MYO1H: variants seen among roughly 807,000 people sequenced by gnomAD.
The protein encoded by MYO1H is unconventional myosin-Ih.
In MYO1H, 118 loss-of-function variants were observed where a neutral mutation model predicts 149.3. The observed-to-expected ratio is 0.79, with a 90% CI of 0.68 to 0.92. MYO1H has a LOEUF of 0.92. Among genes scored for constraint, MYO1H ranks in the 40% least tolerant of loss-of-function variants. The pLI is 0.00. For synonymous variants in MYO1H, 447 were observed against 465.2 expected, an observed-to-expected ratio of 0.96 and a Z score of 0.50; for missense variants, 1,212 against 1,280.7, an observed-to-expected ratio of 0.95 and a Z score of 0.82.
rs113783401 is a variant in MYO1H, at chr12:109,437,566, AG to A, written c.2210-969del. Among the ~76,000 whole-genome samples, 10 of 152,328 alleles carry A rather than the reference AG, an allele frequency of 6.6e-5. 1 individual carries two copies. The highest frequency in any genetic ancestry group is 2.4e-4 in the African/African-American group (10 of 41,580). On this transcript the variant is annotated intron_variant, in intron 22 of 31. Coordinates refer to ENST00000310903, the Ensembl canonical transcript of MYO1H. ...AAGTCTGCCATGGTAGCAGGAAAGT[AG>A]CTTTAGATAATATGTAAATGAATGG...
chr12:109,360,106 T>C (rs1868710873), intron 1 of MYO1H, among the ~76,000 whole-genome samples: 1 of 150,092 alleles, frequency 6.7e-6, no homozygotes, highest in Admixed American at 6.6e-5. Flanking sequence ...TCTTTTTTCT[T>C]TTTCTTCTTT....
chr12:109,410,119 ACTT>A (rs1453329770), intron 12 of MYO1H, 51 bp downstream of exon 12: 12 of 906,834 alleles, frequency 1.3e-5, no homozygotes. Flanking sequence ...CTAGCTAAAG[ACTT>A]CTTTTTTTAA....
intron 2 of MYO1H, among the ~76,000 whole-genome samples, chr12:109,392,377 T>G (rs1170983646): frequency 6.6e-6 from 1 of 152,180 alleles, no homozygotes; most frequent in Non-Finnish European, 1.5e-5. Context: ...GCCTACTTTG[T>G]TTACAGCTGG....
At chr12:109,318,314 A>T in the MYO1H span, among the ~76,000 whole-genome samples, 1 of 152,202 alleles carries the variant, frequency 6.6e-6, no homozygotes, top group Non-Finnish European at 1.5e-5. Flanking sequence ...ATTTATAAAT[A>T]TTCCTTATAA....
At chr12:109,410,800 T>G in intron 13 of MYO1H, 32 bp downstream of exon 13, 1 of 1,379,840 alleles carries the variant, frequency 7.2e-7, no homozygotes, top group Non-Finnish European at 1.0e-6. Flanking sequence ...TTAGAGCTAT[T>G]CACCCGGCAC....
chr12:109,361,839 AAG>A (rs1356188648), intron 1 of MYO1H, among the ~76,000 whole-genome samples: 20 of 143,904 alleles, frequency 1.4e-4, no homozygotes, highest in South Asian at 2.3e-4. Context: ...AAAAAAAAAA[AAG>A]AAGAACCACT....
At chr12:109,363,131 C>T (rs540936392) in intron 1 of MYO1H, among the ~76,000 whole-genome samples, 2 of 152,320 alleles carry the variant, frequency 1.3e-5, no homozygotes, top group Non-Finnish European at 2.9e-5. Context: ...ATGCCCATAT[C>T]GGCATGCAGC....
At chr12:109,424,860 A>C in intron 17 of MYO1H, 32 bp downstream of exon 17, 1 of 1,582,642 alleles carries the variant, frequency 6.3e-7, no homozygotes, top group African/African-American at 1.3e-5. Context: ...GCAAAATTGG[A>C]TCTCACCAGA....
intron 15 of MYO1H, among the ~76,000 whole-genome samples, chr12:109,417,249 G>A (rs574361140): frequency 4.0e-4 from 61 of 152,240 alleles, no homozygotes; most frequent in Non-Finnish European, 4.9e-4. Flanking sequence ...CAGCTGCACC[G>A]TTTTACATTT....
At chr12:109,413,123 G>T (rs1304353098) in intron 14 of MYO1H, among the ~76,000 whole-genome samples, 1 of 151,626 alleles carries the variant, frequency 6.6e-6, no homozygotes, top group African/African-American at 2.4e-5. Context: ...ACAGGTGTGC[G>T]CCATCACGCC....
At chr12:109,389,953 G>T (rs886822549) in intron 2 of MYO1H, among the ~76,000 whole-genome samples, 1 of 152,128 alleles carries the variant, frequency 6.6e-6, no homozygotes, top group Admixed American at 6.5e-5. Flanking sequence ...ACCCTTAATT[G>T]TAGAAATAGA....
intron 20 of MYO1H, among the ~76,000 whole-genome samples, chr12:109,434,459 A>C (rs1871774175): frequency 6.6e-6 from 1 of 152,142 alleles, no homozygotes; most frequent in African/African-American, 2.4e-5. Flanking sequence ...GCACCACTGC[A>C]CTCCAGCCTG....
In MYO1H at chr12:109,388,329, G is replaced by C. The variant is rs78015108; in HGVS notation, c.13-354G>C. On this transcript the variant is annotated intron_variant, in intron 1 of 31. Transcript: ENST00000310903. ...CATTTTCTGGCTGCGTCTTTTGGCA[G>C]ATTTTGGGCGTGGCTTATGACATTC... Among the ~76,000 whole-genome samples the C allele has an allele frequency of 9.6e-3, 1,459 of 152,288 alleles. 20 individuals are homozygous for C. The highest frequency in any genetic ancestry group is 0.033 in the African/African-American group (1,370 of 41,560).
chr12:109,324,208 C>T, the MYO1H span, among the ~76,000 whole-genome samples: 1 of 152,142 alleles, frequency 6.6e-6, no homozygotes, highest in Non-Finnish European at 1.5e-5. Context: ...AGAATGCCTA[C>T]AGGTGGCCTT....
At chr12:109,378,602 C>T (rs1051335579) in intron 1 of MYO1H, among the ~76,000 whole-genome samples, 3 of 152,126 alleles carry the variant, frequency 2.0e-5, no homozygotes, top group Admixed American at 6.5e-5. Flanking sequence ...TGCAGGCATG[C>T]GCCACTGTGC....
At chr12:109,341,030 T>C in the MYO1H span, among the ~76,000 whole-genome samples, 1 of 151,824 alleles carries the variant, frequency 6.6e-6, no homozygotes, top group Admixed American at 6.6e-5. Context: ...CTACCAAAAA[T>C]ACAAAAAATT....
chr12:109,393,140 G>A (rs1869731129), intron 2 of MYO1H, among the ~76,000 whole-genome samples, 191 bp from the exon 3 acceptor site: 1 of 152,046 alleles, frequency 6.6e-6, no homozygotes. Context: ...ATCTCTTCCT[G>A]CAGCTGTCTT....
At chr12:109,331,764 G>C in the MYO1H span, among the ~76,000 whole-genome samples, 3 of 152,174 alleles carry the variant, frequency 2.0e-5, no homozygotes, top group African/African-American at 7.2e-5. Context: ...CCTGCAAACA[G>C]CTTGAAAATG....
chr12:109,378,188 G>A lies in MYO1H; in HGVS notation c.13-10495G>A, dbSNP rs570566801. The stretch of plus-strand genomic sequence containing the variant: ...ATCACCACACCATGGACATGTTTCC[G>A]TTTCTCTTGGGTAGATACCTAAGAG... On this transcript the variant is annotated intron_variant, in intron 1 of 31. Coordinates refer to ENST00000310903, the Ensembl canonical transcript of MYO1H. Among the ~76,000 whole-genome samples the A allele has an allele frequency of 1.1e-4, 16 of 152,148 alleles. No homozygotes were observed. The South Asian group carries it at 1.5e-3, about 14-fold the overall frequency.
Sources: gnomAD v4.1 joint callset for allele counts (sites outside exome capture counted in the v4.1 genomes callset) on GRCh38, gnomAD v4.1.1 for gene constraint, MANE v1.5 for transcripts, NCBI Gene and HGNC (gene_info 2026-07-23, HGNC 2026-07-21) for gene names.